Variants in CHST9 observed in about 807,000 individuals in gnomAD.
CHST9 encodes the protein GalNAc-4-sulfotransferase 2.
In CHST9, 41 loss-of-function variants were observed where a neutral mutation model predicts 44.4. The ratio of observed to expected loss-of-function variants is 0.92; its 90% confidence interval spans 0.72 to 1.20. The LOEUF (loss-of-function observed/expected upper bound fraction) is 1.20. CHST9 is among the 50% of genes most tolerant of loss of function. The probability of loss-of-function intolerance (pLI) is 0.00; values close to 1 mark genes in which losing one functional copy is unlikely to be tolerated. For synonymous variants in CHST9, 171 were observed against 178.4 expected (o/e 0.96, Z 0.33); for missense variants, 504 against 516.5 (o/e 0.98, Z 0.23).
chr18:27,042,991 T>C lies in CHST9; in HGVS notation c.160+5474A>G, dbSNP rs369563315. Among the ~76,000 whole-genome samples, 411 of 152,234 alleles carry C rather than the reference T, an allele frequency of 2.7e-3. 17 individuals carry two copies. In the South Asian group the frequency reaches 0.073, roughly 27 times the overall value. Reference sequence around the variant, plus strand: ...CTCCCTGCAACTCCAATAGATGTTTTCAGTGCTTATTTTACTTGCTCACTC... The same window carrying C: ...CTCCCTGCAACTCCAATAGATGTTTCCAGTGCTTATTTTACTTGCTCACTC... On this transcript the variant is annotated intron_variant, in intron 3 of 5. Transcript: ENST00000618847.
intron 1 of CHST9, among the ~76,000 whole-genome samples, chr18:27,144,838 T>C (rs1407676035): frequency 6.6e-6 from 1 of 152,116 alleles, no homozygotes; most frequent in Non-Finnish European, 1.5e-5. Flanking sequence ...AAGAGATGAC[T>C]CAATGGGAGC....
chr18:27,173,119 T>C (rs1417320817), intron 1 of CHST9, among the ~76,000 whole-genome samples: 1 of 152,122 alleles, frequency 6.6e-6, no homozygotes, highest in African/African-American at 2.4e-5. Context: ...TTTATAAATA[T>C]TTTTATTTAA....
At chr18:26,954,050 G>C (rs1318410056) in intron 4 of CHST9, among the ~76,000 whole-genome samples, 1 of 152,148 alleles carries the variant, frequency 6.6e-6, no homozygotes, top group Admixed American at 6.5e-5. Flanking sequence ...GAACTGTGGA[G>C]TTCTGGAGTA....
At chr18:27,089,144 A>T (rs900775462) in intron 2 of CHST9, among the ~76,000 whole-genome samples, 3 of 149,794 alleles carry the variant, frequency 2.0e-5, no homozygotes, top group East Asian at 2.0e-4. Context: ...TCTTTCCTTC[A>T]TTTTTTTTTA....
At chr18:26,975,649 GTATATA>G (rs36030325) in intron 4 of CHST9, among the ~76,000 whole-genome samples, 1 of 126,920 alleles carries the variant, frequency 7.9e-6, no homozygotes, top group African/African-American at 3.0e-5. Context: ...ATGTATGTGT[GTATATA>G]TATATATATA....
intron 2 of CHST9, among the ~76,000 whole-genome samples, chr18:27,112,908 A>G (rs182424052): frequency 1.2e-4 from 19 of 152,266 alleles, no homozygotes; most frequent in South Asian, 6.2e-4. Context: ...AAAATCAATT[A>G]GCCGGGCCCG....
In CHST9 at chr18:26,914,830, A is replaced by G. The variant is rs2055490426; in HGVS notation, c.*1429T>C. 1.0e-5 allele frequency: 4 copies of G among 397,100 alleles called. No homozygotes were observed. The allele number at this position is 397,100 out of a possible 1,614,324, so 24.6% of individuals were successfully genotyped here. Reference sequence around the variant, plus strand: ...ATTACTGAATATTTACTGATAAGAAAAAAATGATAGCTTAGGAAGAGGAAG... The same window carrying G: ...ATTACTGAATATTTACTGATAAGAAGAAAATGATAGCTTAGGAAGAGGAAG... On this transcript the variant is annotated 3_prime_UTR_variant, in exon 6 of 6. Transcript: ENST00000618847.
At chr18:26,951,935 C>G (rs962996640) in intron 4 of CHST9, among the ~76,000 whole-genome samples, 2 of 152,164 alleles carry the variant, frequency 1.3e-5, no homozygotes, top group African/African-American at 2.4e-5. Flanking sequence ...ACCATCTGCT[C>G]CCATCACCTA....
rs886875318 is a variant in CHST9, at chr18:26,910,664, A to C, written c.*5595T>G. ...TAAAATGCACTGTCAGCCAAACCAA[A>C]CATATCTGTAGCCAGATCTACCCCG... On this transcript the variant is annotated 3_prime_UTR_variant, in exon 6 of 6. Coordinates refer to ENST00000618847, the MANE Select transcript of CHST9 (RefSeq NM_031422.6). 4 of 151,728 alleles carry C rather than the reference A, an allele frequency of 2.6e-5. No homozygotes were observed. Among genetic ancestry groups the C allele is most frequent in the Non-Finnish European group, 5.9e-5 (4 of 67,934 alleles). The allele number at this position is 151,728 out of a possible 1,614,324, so 9.4% of individuals were successfully genotyped here. A position where few individuals can be genotyped will look rare whatever the true frequency, so the allele number is the denominator to read the frequency against.
At chr18:27,098,575 G>A (rs1009559983) in intron 2 of CHST9, among the ~76,000 whole-genome samples, 1 of 152,066 alleles carries the variant, frequency 6.6e-6, no homozygotes, top group Non-Finnish European at 1.5e-5. Context: ...ATGATAGGCT[G>A]GATAAAGAAA....
Position 26,912,233 on chromosome 18 carries a change from T to C in CHST9, c.*4026A>G, listed in dbSNP as rs190809127. ...GGACTATTTTTTCTTCTTAAAAACA[T>C]TGTTTCCATGATTAACTAAGGATTA... On this transcript the variant is annotated 3_prime_UTR_variant, in exon 6 of 6. Coordinates refer to ENST00000618847, the MANE Select transcript of CHST9 (RefSeq NM_031422.6). 3 of 152,304 alleles carry C rather than the reference T, an allele frequency of 2.0e-5. No individual in the cohort carries two copies. Among genetic ancestry groups the C allele is most frequent in the African/African-American group, 4.8e-5 (2 of 41,562 alleles). The allele number at this position is 152,304 out of a possible 1,614,324, so 9.4% of individuals were successfully genotyped here.
chr18:27,147,385 G>A (rs988362770), intron 1 of CHST9, among the ~76,000 whole-genome samples: 6 of 152,060 alleles, frequency 3.9e-5, no homozygotes, highest in African/African-American at 1.4e-4. Flanking sequence ...TGATTTTAAG[G>A]AAGGAGTGGT....
At chr18:27,036,485 C>T (rs2057391775) in intron 3 of CHST9, among the ~76,000 whole-genome samples, 1 of 152,182 alleles carries the variant, frequency 6.6e-6, no homozygotes, top group South Asian at 2.1e-4. Context: ...TACAGAGGCA[C>T]AGGTGCTGTG....
At chr18:26,982,532 TTGTG>T (rs1568120182) in intron 4 of CHST9, among the ~76,000 whole-genome samples, 1 of 152,128 alleles carries the variant, frequency 6.6e-6, no homozygotes, top group Non-Finnish European at 1.5e-5. Context: ...AGTAAATTCA[TTGTG>T]TGTCAGACAC....
intron 2 of CHST9, among the ~76,000 whole-genome samples, chr18:27,095,431 C>A (rs370358003): frequency 6.6e-6 from 1 of 152,092 alleles, no homozygotes; most frequent in Non-Finnish European, 1.5e-5. Flanking sequence ...ATCAAAACCT[C>A]ATATGTCAAT....
At chr18:27,174,904 T>C (rs1165362635) in intron 1 of CHST9, among the ~76,000 whole-genome samples, 3 of 152,042 alleles carry the variant, frequency 2.0e-5, no homozygotes, top group African/African-American at 7.2e-5. Context: ...TTTGAGCAAT[T>C]CCTTGCTTTC....
chr18:26,967,172 C>T (rs2056476472), intron 4 of CHST9, among the ~76,000 whole-genome samples: 1 of 152,136 alleles, frequency 6.6e-6, no homozygotes, highest in Non-Finnish European at 1.5e-5. Context: ...GGTCACTTCA[C>T]CCTTAGTCAC....
intron 5 of CHST9, among the ~76,000 whole-genome samples, chr18:26,942,001 A>G (rs1192115806): frequency 6.6e-6 from 1 of 152,036 alleles, no homozygotes; most frequent in African/African-American, 2.4e-5. Context: ...ATTTAATTAC[A>G]CAATCCATAG....
At chr18:27,104,663 C>T (rs1258296467) in intron 2 of CHST9, among the ~76,000 whole-genome samples, 3 of 152,038 alleles carry the variant, frequency 2.0e-5, no homozygotes, top group East Asian at 1.9e-4. Flanking sequence ...ATTTCAACTT[C>T]GAAAAATGAT....
Sources: gnomAD v4.1 joint callset for allele counts (sites outside exome capture counted in the v4.1 genomes callset) on GRCh38, gnomAD v4.1.1 for gene constraint, MANE v1.5 for transcripts, NCBI Gene and HGNC (gene_info 2026-07-23, HGNC 2026-07-21) for gene names.